The following ARMC2 variants were observed in gnomAD, a reference collection of about 807,000 sequenced individuals.
The protein encoded by ARMC2 is armadillo repeat-containing protein 2.
Under a neutral mutation model 90.3 loss-of-function variants are expected in ARMC2, and 67 were observed. That is an observed-to-expected ratio of 0.74 (90% confidence interval 0.61 to 0.91). The LOEUF (loss-of-function observed/expected upper bound fraction) is 0.91. Ranked by LOEUF, ARMC2 falls within the 40% of genes least tolerant of loss-of-function variation. ARMC2 has a pLI of 0.00. For missense variants in ARMC2, 920 were observed against 1,030.9 expected (o/e 0.89, Z 1.47); for synonymous variants, 393 against 393.0 (o/e 1.00, Z 0.00).
At chr6:109,036,586 A>G in the ARMC2 span, among the ~76,000 whole-genome samples, 3 of 152,240 alleles carry the variant, frequency 2.0e-5, no homozygotes, top group Non-Finnish European at 2.9e-5. Flanking sequence ...CTTAACTGTG[A>G]CAAGTAGTTC....
chr6:108,905,387 T>C (rs528793055), intron 8 of ARMC2, among the ~76,000 whole-genome samples: 2 of 152,284 alleles, frequency 1.3e-5, no homozygotes, highest in South Asian at 4.1e-4. Flanking sequence ...AATTGTGATA[T>C]GTGGTCAAGA....
the ARMC2 span, among the ~76,000 whole-genome samples, chr6:108,995,129 A>G: frequency 6.6e-6 from 1 of 152,354 alleles, no homozygotes; most frequent in South Asian, 2.1e-4. Flanking sequence ...AAGGAAAAAA[A>G]TGATTTTAAG....
intron 7 of ARMC2, among the ~76,000 whole-genome samples, chr6:108,903,481 AGGTAAT>A (rs1772363470): frequency 6.6e-6 from 1 of 152,124 alleles, no homozygotes; most frequent in African/African-American, 2.4e-5. Flanking sequence ...CTCTTTTCTT[AGGTAAT>A]GAGCATTGTT....
intron 12 of ARMC2, among the ~76,000 whole-genome samples, chr6:108,939,117 C>T (rs1296703655): frequency 6.6e-6 from 1 of 152,132 alleles, no homozygotes; most frequent in Non-Finnish European, 1.5e-5. Flanking sequence ...CTGCGCCCAG[C>T]CTAAAAATCC....
chr6:108,978,584 T>C (rs1779029653), downstream of ARMC2, among the ~76,000 whole-genome samples: 1 of 152,208 alleles, frequency 6.6e-6, no homozygotes. Context: ...TTTCTAATAC[T>C]GAAAGTGGGG....
chr6:109,052,153 A>G, the ARMC2 span, among the ~76,000 whole-genome samples: 1 of 152,238 alleles, frequency 6.6e-6, no homozygotes, highest in Non-Finnish European at 1.5e-5. Context: ...AAAATTCAAC[A>G]AAGAAAGGAA....
intron 10 of ARMC2, among the ~76,000 whole-genome samples, chr6:108,920,757 C>T (rs1474759272): frequency 6.6e-6 from 1 of 152,144 alleles, no homozygotes; most frequent in African/African-American, 2.4e-5. Context: ...GATTTACCCA[C>T]CCAGTCACAG....
the ARMC2 span, among the ~76,000 whole-genome samples, chr6:109,042,797 C>A: frequency 6.6e-6 from 1 of 151,896 alleles, no homozygotes; most frequent in African/African-American, 2.4e-5. Context: ...GAATTAACTC[C>A]AATTTTACAT....
intron 11 of ARMC2, among the ~76,000 whole-genome samples, chr6:108,935,718 C>T (rs749980141): frequency 3.6e-4 from 55 of 152,162 alleles, no homozygotes; most frequent in Non-Finnish European, 6.5e-4. Flanking sequence ...GCTGGGGTTA[C>T]AGGCGTGAGC....
chr6:108,982,398 A>C, the ARMC2 span, among the ~76,000 whole-genome samples: 1 of 152,194 alleles, frequency 6.6e-6, no homozygotes, highest in Non-Finnish European at 1.5e-5. Flanking sequence ...ACTGCCACTC[A>C]TGAGGGCTCC....
chr6:108,926,245 A>G (rs1456371141), intron 10 of ARMC2, among the ~76,000 whole-genome samples: 1 of 152,158 alleles, frequency 6.6e-6, no homozygotes, highest in Non-Finnish European at 1.5e-5. Flanking sequence ...GGAGTTACAC[A>G]GGCATCTGTA....
intron 12 of ARMC2, among the ~76,000 whole-genome samples, chr6:108,938,122 G>A (rs66534141): frequency 0.37 from 56,040 of 152,118 alleles, 10,668 homozygotes; most frequent in East Asian, 0.59. Flanking sequence ...TGAATACAAT[G>A]AGTATTCATT....
chr6:108,888,756 T>C lies in ARMC2; in HGVS notation c.672-5711T>C, dbSNP rs1392922787. 2.0e-5 allele frequency among the ~76,000 whole-genome samples: 3 copies of C among 152,218 alleles called. No homozygotes were observed. In the South Asian group the frequency reaches 6.2e-4, roughly 32 times the overall value. ...ATTCCTCCATGGCTACATTCTGTTA[T>C]TTCCTCTGCCTGAAATCCTGTCAAC... On this transcript the variant is annotated intron_variant, in intron 5 of 17. Transcript: ENST00000392644.
At chr6:108,913,428 G>C (rs189659533) in intron 10 of ARMC2, among the ~76,000 whole-genome samples, 38 of 152,246 alleles carry the variant, frequency 2.5e-4, no homozygotes, top group African/African-American at 9.1e-4. Context: ...GAAGAAGATT[G>C]TGAAAACCTC....
chr6:108,992,931 A>C, the ARMC2 span: 3 of 1,386,620 alleles, frequency 2.2e-6, no homozygotes, highest in Non-Finnish European at 3.1e-6. Flanking sequence ...AGGTTTTTAA[A>C]AATAGGATGC....
At chr6:109,018,890 T>C in the ARMC2 span, among the ~76,000 whole-genome samples, 1 of 152,114 alleles carries the variant, frequency 6.6e-6, no homozygotes. Context: ...TAAAGATATT[T>C]TCAAAAACCC....
Position 108,911,016 on chromosome 6 carries a change from G to T in ARMC2, c.1126+15G>T. ...CAGCATTCTGGGTGAGTGTCATTCA[G>T]TGCTACTATTGAGCAAATGCTGTAC... On this transcript the variant is annotated intron_variant, in intron 9 of 17. Coordinates refer to ENST00000392644, the MANE Select transcript of ARMC2 (RefSeq NM_032131.6). The T allele has an allele frequency of 6.8e-7, 1 of 1,478,926 alleles. No individual in the cohort carries two copies. The highest frequency in any genetic ancestry group is 9.3e-7 in the Non-Finnish European group (1 of 1,080,170). 91.6% of individuals were successfully genotyped at this position (1,478,926 alleles called of 1,614,324 possible).
chr6:108,852,919 T>G (rs1443136962), intron 1 of ARMC2, among the ~76,000 whole-genome samples: 2 of 152,144 alleles, frequency 1.3e-5, no homozygotes, highest in South Asian at 2.1e-4. Context: ...ATATACAATA[T>G]GTAGATATAA....
intron 8 of ARMC2, among the ~76,000 whole-genome samples, 191 bp downstream of exon 8, chr6:108,904,596 T>C (rs1183653496): frequency 6.7e-6 from 1 of 149,180 alleles, no homozygotes; most frequent in East Asian, 2.0e-4. Flanking sequence ...TAAGGCTGAG[T>C]ACATAGAAAA....
Sources: gnomAD v4.1 joint callset for allele counts (sites outside exome capture counted in the v4.1 genomes callset) on GRCh38, gnomAD v4.1.1 for gene constraint, MANE v1.5 for transcripts, NCBI Gene and HGNC (gene_info 2026-07-23, HGNC 2026-07-21) for gene names.